PCDHGA3: variants seen among roughly 807,000 people sequenced by gnomAD.
PCDHGA3 encodes protocadherin gamma subfamily A, 3, also known as protocadherin gamma-A3.
PCDHGA3 carries 40 observed loss-of-function variants against 58.5 expected under a neutral mutation model. That is an observed-to-expected ratio of 0.68 (90% CI 0.53 to 0.89). PCDHGA3 has a LOEUF of 0.89. Among genes scored for constraint, PCDHGA3 ranks in the 40% least tolerant of loss-of-function variants. The pLI, the probability that PCDHGA3 is intolerant of heterozygous loss-of-function variation, is 0.00. For synonymous variants in PCDHGA3, 530 were observed against 525.7 expected, an observed-to-expected ratio of 1.01 and a Z score of -0.11; for missense variants, 1,223 against 1,195.9, an observed-to-expected ratio of 1.02 and a Z score of -0.33.
At chr5:141,404,816 C>A in intron 1 of PCDHGA3, 1 of 1,610,374 alleles carries the variant, frequency 6.2e-7, no homozygotes, top group Non-Finnish European at 8.5e-7. Flanking sequence ...GGTGGGGCTG[C>A]ACACAGGTGA....
At chr5:141,433,358 C>CTAT (rs2097585632) in intron 1 of PCDHGA3, 108 of 504,044 alleles carry the variant, frequency 2.1e-4, no homozygotes, top group African/African-American at 2.0e-3. Flanking sequence ...CTACTGTCTG[C>CTAT]CTATCTATCT....
At chr5:141,364,925 C>T in intron 1 of PCDHGA3, 2 of 1,613,910 alleles carry the variant, frequency 1.2e-6, no homozygotes, top group Non-Finnish European at 8.5e-7. Flanking sequence ...GTTGGAACAG[C>T]CCCTAGACCG....
chr5:141,409,706 T>A, intron 1 of PCDHGA3: 1 of 1,613,210 alleles, frequency 6.2e-7, no homozygotes, highest in Non-Finnish European at 8.5e-7. Context: ...CCTGGCGGTG[T>A]CGTCATACGT....
At chr5:141,384,278 A>T in intron 1 of PCDHGA3, 1 of 1,613,842 alleles carries the variant, frequency 6.2e-7, no homozygotes, top group Non-Finnish European at 8.5e-7. Context: ...TACTCAGTCT[A>T]CATCGCTGAG....
At chr5:141,463,168 T>C (rs74924211) in intron 1 of PCDHGA3, among the ~76,000 whole-genome samples, 6,974 of 152,254 alleles carry the variant, frequency 0.046, 178 homozygotes, top group Middle Eastern at 0.082. Context: ...GTGCACTCTA[T>C]GTATGCTCAG....
At chr5:141,409,052 A>C in intron 1 of PCDHGA3, 2 of 1,614,050 alleles carry the variant, frequency 1.2e-6, no homozygotes, top group African/African-American at 1.3e-5. Context: ...CTTCCGAAGC[A>C]CTGCCCAGAG....
intron 1 of PCDHGA3, chr5:141,361,905 G>C (rs753577656): frequency 6.2e-7 from 1 of 1,608,996 alleles, no homozygotes. Flanking sequence ...TGGTGACCAA[G>C]GTGGTGGCGG....
intron 1 of PCDHGA3, among the ~76,000 whole-genome samples, chr5:141,380,132 T>A (rs552082658): frequency 4.4e-4 from 67 of 152,174 alleles, no homozygotes; most frequent in African/African-American, 1.6e-3. Context: ...ACTCCTGACC[T>A]TAAGTGATCC....
At chr5:141,362,027 C>T in intron 1 of PCDHGA3, 2 of 1,608,844 alleles carry the variant, frequency 1.2e-6, no homozygotes, top group Non-Finnish European at 1.7e-6. Flanking sequence ...ACAGCGCGTG[C>T]CTTGGGCGAC....
At chr5:141,461,178 G>A (rs2154567263) in intron 1 of PCDHGA3, among the ~76,000 whole-genome samples, 1 of 152,144 alleles carries the variant, frequency 6.6e-6, no homozygotes, top group East Asian at 1.9e-4. Context: ...TGGATTGAAT[G>A]GTAGATCTGT....
At position 141,505,383 on chromosome 5, in the gene PCDHGA3, C is replaced by G. The variant is rs369765886; in HGVS notation, c.2484-10C>G. On this transcript the variant is annotated splice_polypyrimidine_tract_variant and intron_variant, in intron 2 of 3. Transcript: ENST00000253812. ...GGGAGTCTGTGCTCACCATCCTACT[C>G]TCTCCCCAGCTCCCAAAATGGCGAT... The G allele has an allele frequency of 6.2e-7, 1 of 1,613,944 alleles. No homozygotes were observed. The highest frequency in any genetic ancestry group is 1.3e-5 in the African/African-American group (1 of 74,914).
chr5:141,431,610 T>A lies in PCDHGA3; in HGVS notation c.2425-63197T>A. The stretch of plus-strand genomic sequence containing the variant: ...GAAGTGAGGTATTCCTTCCGGTATG[T>A]GGACGACAAGGCGGCCCAAGTTTTC... On this transcript the variant is annotated intron_variant, in intron 1 of 3. Transcript: ENST00000253812. The surrounding 1 kb of genome is among the most constrained non-coding windows in gnomAD (Gnocchi z 4.8). 6.2e-7 allele frequency: 1 copy of A among 1,614,238 alleles called. No homozygotes were observed. Among genetic ancestry groups the A allele is most frequent in the Non-Finnish European group, 8.5e-7 (1 of 1,180,034 alleles).
At chr5:141,376,572 A>C (rs776986338) in intron 1 of PCDHGA3, 1 of 1,600,622 alleles carries the variant, frequency 6.2e-7, no homozygotes, top group South Asian at 1.1e-5. Context: ...CTAATCAGAC[A>C]GGCTCATCAG....
Position 141,384,146 on chromosome 5 carries a change from C to G in PCDHGA3, c.2424+37689C>G, listed in dbSNP as rs369384722. 2.5e-6 allele frequency: 4 copies of G among 1,613,166 alleles called. No homozygotes were observed. The East Asian group carries it at 6.7e-5, about 27-fold the overall frequency. Reference sequence around the variant, plus strand: ...AAAAACTTGGACCGGGAAACACTCTCTTTGTATAACATCACACTGAAAGCC... The same window carrying G: ...AAAAACTTGGACCGGGAAACACTCTGTTTGTATAACATCACACTGAAAGCC... On this transcript the variant is annotated intron_variant, in intron 1 of 3. Transcript: ENST00000253812.
chr5:141,404,800 C>G (rs369141362), intron 1 of PCDHGA3: 3 of 1,613,970 alleles, frequency 1.9e-6, no homozygotes, highest in Middle Eastern at 1.6e-4. Context: ...AGCCAGGGCT[C>G]TTCTCGGTGG....
rs1453419469 is a variant in PCDHGA3, at chr5:141,505,501, G to A, written c.2572+20G>A. On this transcript the variant is annotated intron_variant, in intron 3 of 3. Transcript: ENST00000253812. ...CCAGTGGTAAGTGGTGTCAGTGTGT[G>A]TATGGAAGAGTGGGAGACCTGGGGT... The A allele has an allele frequency of 1.2e-6, 2 of 1,614,156 alleles. No homozygotes were observed. Among genetic ancestry groups the A allele is most frequent in the Non-Finnish European group, 1.7e-6 (2 of 1,179,970 alleles).
chr5:141,403,685 C>A, intron 1 of PCDHGA3: 1 of 1,613,822 alleles, frequency 6.2e-7, no homozygotes, highest in Non-Finnish European at 8.5e-7. Flanking sequence ...TTTTGCTCAA[C>A]GGATTTACCG....
rs1344070709 is a variant in PCDHGA3, at chr5:141,343,896, A to G, written c.-138A>G. On this transcript the variant is annotated 5_prime_UTR_variant, in exon 1 of 4. Transcript: ENST00000253812. ...ACTCAGAAGATCCGGGGCGGCTGCC[A>G]ACCTCACCTCTTAGTCAACCAGCTG... The G allele has an allele frequency of 1.3e-6, 1 of 771,716 alleles. No individual in the cohort carries two copies. The highest frequency in any genetic ancestry group is 1.8e-5 in the African/African-American group (1 of 56,408). 47.8% of individuals were successfully genotyped at this position (771,716 alleles called of 1,614,324 possible).
chr5:141,433,742 C>G (rs927651405), intron 1 of PCDHGA3, among the ~76,000 whole-genome samples: 1 of 150,826 alleles, frequency 6.6e-6, no homozygotes, highest in Non-Finnish European at 1.5e-5. Flanking sequence ...GAGGCTGAGT[C>G]AGGAGAATTG....
Sources: allele counts gnomAD v4.1 joint callset (sites outside exome capture counted in the v4.1 genomes callset), GRCh38; gene constraint gnomAD v4.1.1; non-coding constraint Gnocchi (gnomAD v3.1); transcripts MANE v1.5; gene names NCBI Gene and HGNC (gene_info 2026-07-23, HGNC 2026-07-21).